The following PLEC variants were observed in gnomAD, a reference collection of about 807,000 sequenced individuals.
The protein encoded by PLEC is plectin, also known as hemidesmosomal protein 1.
Under a neutral mutation model 392.8 loss-of-function variants are expected in PLEC, and 216 were observed. The ratio of observed to expected loss-of-function variants is 0.55; its 90% CI spans 0.49 to 0.62. The LOEUF is 0.62. Among genes scored for constraint, PLEC ranks in the 20% least tolerant of loss-of-function variants. The pLI, the probability that PLEC is intolerant of heterozygous loss-of-function variation, is 0.00. For synonymous variants in PLEC, 3,621 were observed against 2,980.6 expected (o/e 1.21, Z -7.00); for missense variants, 6,863 against 6,563.4 (o/e 1.05, Z -1.58).
chr8:143,924,193 C>T lies in PLEC; in HGVS notation c.5736G>A (p.Leu1912=). 6.3e-7 allele frequency: 1 copy of T among 1,599,114 alleles called. No individual in the cohort carries two copies. The change falls in exon 31 of 32, where the codon CTG becomes CTA. Residue 1912 remains leucine (L), a synonymous_variant. Coordinates refer to ENST00000345136, the MANE Select transcript of PLEC (RefSeq NM_201384.3). ...GCCGCTGCCTCAGCGTGTCCTCCAC[C>T]AGCCCCTTCTGCCGCTCCAGCTCGC... The part of the protein sequence containing the change: ...SDSELERQKG[L]VEDTLRQRRQ...
At chr8:143,944,231 G>T (rs942527071), upstream of PLEC, among the ~76,000 whole-genome samples, 2 of 151,990 alleles carry the variant, frequency 1.3e-5, no homozygotes, top group African/African-American at 4.8e-5. Flanking sequence ...GGGGCCAGCC[G>T]CACGCCTGGC....
chr8:143,976,619 T>G (rs1236833124), upstream of PLEC: 6 of 152,170 alleles, frequency 3.9e-5, no homozygotes, highest in Non-Finnish European at 5.9e-5. Flanking sequence ...CCGTGTGGCC[T>G]GCGGCCGGAG....
rs1554686460 is a variant in PLEC, at chr8:143,921,603, G to A, written c.8218C>T (p.Leu2740=). 1 of 1,612,758 alleles carries A rather than the reference G, an allele frequency of 6.2e-7. No individual in the cohort carries two copies. Among genetic ancestry groups the A allele is most frequent in the Admixed American group, 1.7e-5 (1 of 60,000 alleles). ...AGCCGCCGGTTCCGCACAGGGTCCA[G>A]CAGGAAGCCTGAGGCCGCCTGCGCC... is the stretch of plus-strand genomic sequence containing the variant. ...LEAQAASGFL[L]DPVRNRRLTV... The change falls in exon 32 of 32, where the codon CTG becomes TTG. Residue 2740 remains leucine (L), a synonymous_variant. Transcript: ENST00000345136.
chr8:143,955,944 CTTTTT>C (rs57462492), upstream of PLEC, among the ~76,000 whole-genome samples: 4 of 125,400 alleles, frequency 3.2e-5, no homozygotes, highest in African/African-American at 2.9e-5. Context: ...CCTAGGGAGA[CTTTTT>C]TTTTTTTTTT....
At chr8:143,967,362 CAAAAAAAAAAAAA>C (rs869137248) in intron 1 of PLEC, among the ~76,000 whole-genome samples, 1 of 46,850 alleles carries the variant, frequency 2.1e-5, no homozygotes, top group South Asian at 1.2e-3. Flanking sequence ...GACTCCATCT[CAAAAAAAAAAAAA>C]AAAAAAAAAA....
chr8:143,949,626 C>T (rs925342604), intron 1 of PLEC, among the ~76,000 whole-genome samples: 4 of 152,234 alleles, frequency 2.6e-5, no homozygotes, highest in East Asian at 1.9e-4. Flanking sequence ...CTGGACCCTG[C>T]GCTTCTCCCC....
rs1828467755 is a variant in PLEC, at chr8:143,934,624, G to A, written c.1041+11C>T. 2.5e-6 allele frequency: 4 copies of A among 1,612,032 alleles called. No homozygotes were observed. Among genetic ancestry groups the A allele is most frequent in the Middle Eastern group, 1.7e-4 (1 of 6,060 alleles). ...CAGGACACCACCCACCCCTCCAGCGGTCCCACTCACCTCCAGGGATTGGTA... is the reference window on the plus strand; with the variant it reads ...CAGGACACCACCCACCCCTCCAGCGATCCCACTCACCTCCAGGGATTGGTA... On this transcript the variant is annotated intron_variant, in intron 10 of 31. Transcript: ENST00000345136.
At chr8:143,953,641 C>A, upstream of PLEC, 1 of 1,421,380 alleles carries the variant, frequency 7.0e-7, no homozygotes. Context: ...GCAGACCCTG[C>A]CCGCCACCCT....
At position 143,931,725 on chromosome 8, in the gene PLEC, A is replaced by G. The variant is rs1827318910; in HGVS notation, c.2179-66T>C. On this transcript the variant is annotated intron_variant, in intron 18 of 31. Transcript: ENST00000345136. ...CAGAGCCCCAGCCCACAGTTGTCCC[A>G]GGGCAGGCCCAAGACGGGGGCACTG... 4 of 1,561,964 alleles carry G rather than the reference A, an allele frequency of 2.6e-6. No homozygotes were observed. In the East Asian group the frequency reaches 9.4e-5, roughly 37 times the overall value.
intron 1 of PLEC, among the ~76,000 whole-genome samples, chr8:143,970,172 T>C (rs1833344837): frequency 6.6e-6 from 1 of 151,256 alleles, no homozygotes; most frequent in Non-Finnish European, 1.5e-5. Flanking sequence ...CACGGGTGAG[T>C]GGGTGATGGC....
At chr8:143,931,890 G>T in intron 18 of PLEC, 47 bp downstream of exon 18, 1 of 1,534,994 alleles carries the variant, frequency 6.5e-7, no homozygotes, top group Non-Finnish European at 8.9e-7. Flanking sequence ...AGGGGCTCCT[G>T]CAAGGCTGCC....
chr8:143,923,286 C>T lies in PLEC; in HGVS notation c.6643G>A (p.Glu2215Lys). The change falls in exon 31 of 32, where the codon GAG becomes AAG. Residue 2215 changes from glutamate to lysine, a missense_variant. Coordinates refer to ENST00000345136, the MANE Select transcript of PLEC (RefSeq NM_201384.3). The stretch of plus-strand genomic sequence containing the variant: ...CGCTGGCGTGCGGCCTCCGTGGCCT[C>T]CGCCTTCAGCCGCTGCAGCTCCTCG... ...LDEELQRLKA[E>K]ATEAARQRSQ... 2 of 1,608,102 alleles carry T rather than the reference C, an allele frequency of 1.2e-6. No individual in the cohort carries two copies. The highest frequency in any genetic ancestry group is 1.7e-6 in the Non-Finnish European group (2 of 1,179,738).
In PLEC at chr8:143,920,510, CCT is replaced by C; in HGVS notation, c.9309_9310del (p.Gly3104ValfsTer61). On this transcript the variant is annotated frameshift_variant, in exon 32 of 32. Transcript: ENST00000345136. LOFTEE classifies it high-confidence loss of function. ...CTGCCCTGTGTAGGGGTCCCTGTAC[CCT>C]GTCACAGCCTTCTCGGCTGATAGCA... 1 of 1,610,798 alleles carries C rather than the reference CCT, an allele frequency of 6.2e-7. No individual in the cohort carries two copies. Among genetic ancestry groups the C allele is most frequent in the Non-Finnish European group, 8.5e-7 (1 of 1,179,296 alleles).
Position 143,924,060 on chromosome 8 carries a change from C to A in PLEC, c.5869G>T (p.Asp1957Tyr). 1 of 1,597,472 alleles carries A rather than the reference C, an allele frequency of 6.3e-7. No homozygotes were observed. Among genetic ancestry groups the A allele is most frequent in the Admixed American group, 1.7e-5 (1 of 59,906 alleles). ...ELGRIRSNAE[D>Y]TLRSKEQAEL... ...GCCTGCTCCTTGCTGCGCAGCGTGT[C>A]CTCCGCGTTGCTGCGGATGCGTCCC... Residue 1957 changes from aspartate to tyrosine, a missense_variant, in exon 31 of 32, where the codon GAC becomes TAC. Physicochemically the swap from Asp to Tyr is radical, Grantham distance 160 (BLOSUM62 -3). Coordinates refer to ENST00000345136, the MANE Select transcript of PLEC (RefSeq NM_201384.3).
rs1554724109 is a variant in PLEC at position 143,937,155 on chromosome 8, G to A, written c.342+10C>T. 4.3e-6 allele frequency: 7 copies of A among 1,611,732 alleles called. No homozygotes were observed. Among genetic ancestry groups the A allele is most frequent in the Admixed American group, 1.7e-5 (1 of 60,016 alleles). On this transcript the variant is annotated intron_variant, in intron 4 of 31. Coordinates refer to ENST00000345136, the MANE Select transcript of PLEC (RefSeq NM_201384.3). Reference sequence around the variant, plus strand: ...CTGGGTGGGGCCCAGGGCCTGCCGGGCAGCCTTACCTGGCGGTGCCGGAGG... The same window carrying A: ...CTGGGTGGGGCCCAGGGCCTGCCGGACAGCCTTACCTGGCGGTGCCGGAGG...
chr8:143,976,398 G>A (rs1284511728), upstream of PLEC, among the ~76,000 whole-genome samples: 3 of 152,110 alleles, frequency 2.0e-5, no homozygotes, highest in Non-Finnish European at 4.4e-5. Context: ...ACACCGAGGA[G>A]GGGGCCGCCG....
upstream of PLEC, among the ~76,000 whole-genome samples, chr8:143,954,326 T>C (rs1190361637): frequency 5.0e-5 from 6 of 120,644 alleles, no homozygotes; most frequent in Non-Finnish European, 1.0e-4. This position sits in a 1 kb window ranked among gnomAD's most constrained non-coding sequence, Gnocchi z 4.6. Flanking sequence ...CCCAGCAGTG[T>C]GCCCCTTCCC....
At chr8:143,942,132 G>A (rs536761172), upstream of PLEC, among the ~76,000 whole-genome samples, 144 of 151,944 alleles carry the variant, frequency 9.5e-4, 1 homozygote, top group African/African-American at 3.3e-3. Flanking sequence ...GGCTGACGTG[G>A]AACAGCCGGG....
At position 143,932,721 on chromosome 8, in the gene PLEC, G is replaced by A. The variant is rs1554717956; in HGVS notation, c.1738-9C>T. On this transcript the variant is annotated splice_polypyrimidine_tract_variant and intron_variant, in intron 14 of 31. Transcript: ENST00000345136. The stretch of plus-strand genomic sequence containing the variant: ...GCGGGGGAGAGCTGGCCCTGCAACA[G>A]ATGAGACGGTGAGGTCTGCAGTGGC... 3 of 1,607,358 alleles carry A rather than the reference G, an allele frequency of 1.9e-6. No individual in the cohort carries two copies. Among genetic ancestry groups the A allele is most frequent in the South Asian group, 2.2e-5 (2 of 90,334 alleles).
Sources: allele counts gnomAD v4.1 joint callset (sites outside exome capture counted in the v4.1 genomes callset), GRCh38; gene constraint gnomAD v4.1.1; non-coding constraint Gnocchi (gnomAD v3.1); transcripts MANE v1.5; gene names NCBI Gene and HGNC (gene_info 2026-07-23, HGNC 2026-07-21).